STAU1: variants seen among roughly 807,000 people sequenced by gnomAD.
STAU1 encodes the protein double-stranded RNA-binding protein Staufen homolog 1.
Under a neutral mutation model 62.9 loss-of-function variants are expected in STAU1, and 13 were observed. The observed-to-expected ratio is 0.21, with a 90% CI of 0.13 to 0.33. STAU1 has a LOEUF of 0.33. STAU1 is among the 10% of genes least tolerant of loss of function. The pLI, the probability that STAU1 is intolerant of heterozygous loss-of-function variation, is 1.00. For missense variants in STAU1, 571 were observed against 712.1 expected (o/e 0.80, Z 2.25); for synonymous variants, 269 against 265.1 (o/e 1.01, Z -0.14).
the STAU1 span, among the ~76,000 whole-genome samples, chr20:49,218,182 T>C: frequency 6.6e-6 from 1 of 150,446 alleles, no homozygotes; most frequent in Admixed American, 6.6e-5. Flanking sequence ...GCTAGCAATA[T>C]ATATTTTTTT....
intron 6 of STAU1, among the ~76,000 whole-genome samples, chr20:49,131,582 C>T (rs1367394038): frequency 6.6e-6 from 1 of 152,100 alleles, no homozygotes; most frequent in Non-Finnish European, 1.5e-5. Context: ...GTGGCTCACA[C>T]CTGTAATCCC....
chr20:49,183,740 T>C (rs546185400), intron 1 of STAU1, among the ~76,000 whole-genome samples: 1 of 152,218 alleles, frequency 6.6e-6, no homozygotes, highest in East Asian at 1.9e-4. Flanking sequence ...AAACTTAAAA[T>C]ACAGTAAATC....
intron 3 of STAU1, among the ~76,000 whole-genome samples, chr20:49,162,113 T>G (rs1458816898): frequency 6.6e-6 from 1 of 152,196 alleles, no homozygotes; most frequent in Admixed American, 6.5e-5. Flanking sequence ...CTTGTCATCT[T>G]CCATACAGTG....
At chr20:49,219,273 C>T in the STAU1 span, 1 of 1,411,952 alleles carries the variant, frequency 7.1e-7, no homozygotes, top group Non-Finnish European at 9.5e-7. Flanking sequence ...CACACGAAAC[C>T]AACCACGCCC....
chr20:49,202,289 G>A, the STAU1 span, among the ~76,000 whole-genome samples: 21 of 146,602 alleles, frequency 1.4e-4, no homozygotes, highest in East Asian at 2.8e-3. Flanking sequence ...GACACCGGGC[G>A]TGATGGCTCA....
the STAU1 span, among the ~76,000 whole-genome samples, chr20:49,215,218 C>T: frequency 6.6e-6 from 1 of 152,148 alleles, no homozygotes; most frequent in African/African-American, 2.4e-5. Flanking sequence ...TTCATCTGAG[C>T]CTCTTTCTCT....
Position 49,117,309 on chromosome 20 carries a change from G to A in STAU1, c.1510-61C>T, listed in dbSNP as rs1474095701. The stretch of plus-strand genomic sequence containing the variant: ...ACAGCAAGTATGAGTGGGCTGGAGG[G>A]CTGCAGCTCCAGGCCCCACAAGCAA... On this transcript the variant is annotated intron_variant, in intron 11 of 13. Coordinates refer to ENST00000371856, the MANE Select transcript of STAU1 (RefSeq NM_017453.4). The surrounding 1 kb of genome is among the most constrained non-coding windows in gnomAD (Gnocchi z 4.6). 6.3e-7 allele frequency: 1 copy of A among 1,587,512 alleles called. No individual in the cohort carries two copies. Among genetic ancestry groups the A allele is most frequent in the Non-Finnish European group, 8.6e-7 (1 of 1,162,200 alleles).
chr20:49,128,187 G>T (rs972015849), intron 6 of STAU1, among the ~76,000 whole-genome samples: 7 of 151,880 alleles, frequency 4.6e-5, no homozygotes, highest in Non-Finnish European at 8.8e-5. Flanking sequence ...AGCCCAGTGT[G>T]TGGTGGCGTG....
At chr20:49,152,088 C>A (rs2093261620) in intron 4 of STAU1, among the ~76,000 whole-genome samples, 1 of 152,158 alleles carries the variant, frequency 6.6e-6, no homozygotes, top group Non-Finnish European at 1.5e-5. Flanking sequence ...CCTTCTCAAA[C>A]CTTAGCTTTA....
intron 1 of STAU1, 43 bp downstream of exon 1, chr20:49,188,073 C>T (rs3752256): frequency 0.015 from 2,311 of 151,574 alleles, 66 homozygotes; most frequent in South Asian, 0.08. Flanking sequence ...GCGGCGGCGC[C>T]CGCGAGGGCC....
intron 6 of STAU1, among the ~76,000 whole-genome samples, chr20:49,131,785 G>A (rs543906628): frequency 1.5e-4 from 22 of 151,532 alleles, no homozygotes; most frequent in Middle Eastern, 3.4e-3. Context: ...AGAGGTTGCA[G>A]TGAGCCGAGA....
At position 49,123,240 on chromosome 20, in the gene STAU1, G is replaced by C; in HGVS notation, c.823-5C>G. The stretch of plus-strand genomic sequence containing the variant: ...ATATTCTGGGCTTGTCTGTGGCTGA[G>C]GAACAAACAAGGCAGAAACTCTGTA... On this transcript the variant is annotated splice_region_variant and splice_polypyrimidine_tract_variant and intron_variant, in intron 7 of 13. Coordinates refer to ENST00000371856, the MANE Select transcript of STAU1 (RefSeq NM_017453.4). 6.2e-7 allele frequency: 1 copy of C among 1,614,146 alleles called. No individual in the cohort carries two copies. Among genetic ancestry groups the C allele is most frequent in the Non-Finnish European group, 8.5e-7 (1 of 1,180,032 alleles).
the STAU1 span, among the ~76,000 whole-genome samples, chr20:49,195,551 AAAAAAAAAAAGAT>A: frequency 1.2e-4 from 16 of 132,686 alleles, 3 homozygotes; most frequent in East Asian, 1.9e-3. Context: ...AAAAAAAAAA[AAAAAAAAAAAGAT>A]AGCAACAGAC....
chr20:49,143,273 T>G (rs2093050099), intron 5 of STAU1, among the ~76,000 whole-genome samples: 1 of 152,160 alleles, frequency 6.6e-6, no homozygotes, highest in Non-Finnish European at 1.5e-5. Context: ...CCATAGTGTA[T>G]AGTTCAGCAA....
At chr20:49,209,060 C>A in the STAU1 span, among the ~76,000 whole-genome samples, 1 of 151,884 alleles carries the variant, frequency 6.6e-6, no homozygotes, top group African/African-American at 2.4e-5. Flanking sequence ...CTCAGCCTCC[C>A]GAGAAGCTGG....
At position 49,166,031 on chromosome 20, in the gene STAU1, G is replaced by A. The variant is rs1213444979; in HGVS notation, c.171C>T (p.Pro57=). ...CACTGGTGGATGTAATAGATGCAGA[G>A]GGTAAAGCAGAGTTTTGAATGGGTC... The part of the protein sequence containing the change: ...AGRPIQNSAL[P]SASITSTSAA... Residue 57 remains proline, a synonymous_variant, in exon 3 of 14, where the codon CCC becomes CCT. Transcript: ENST00000371856. The A allele has an allele frequency of 1.2e-6, 2 of 1,614,112 alleles. No individual in the cohort carries two copies. The highest frequency in any genetic ancestry group is 2.7e-5 in the African/African-American group (2 of 74,936).
intron 3 of STAU1, among the ~76,000 whole-genome samples, chr20:49,161,188 G>A (rs374219318): frequency 2.2e-4 from 34 of 151,872 alleles, no homozygotes; most frequent in South Asian, 1.7e-3. Flanking sequence ...CTAGCTGGGC[G>A]TGGTGGCATG....
the STAU1 span, among the ~76,000 whole-genome samples, chr20:49,208,778 C>T: frequency 6.6e-6 from 1 of 151,442 alleles, no homozygotes; most frequent in Non-Finnish European, 1.5e-5. Flanking sequence ...TGTCACCATG[C>T]TCGGCTAATT....
At chr20:49,135,954 G>C (rs1388935986) in intron 5 of STAU1, 23 bp from the exon 6 acceptor site, 2 of 1,581,340 alleles carry the variant, frequency 1.3e-6, no homozygotes, top group South Asian at 2.3e-5. Context: ...TTGTTTAGTA[G>C]TTAGCTCTTA....
Sources: gnomAD v4.1 joint callset for allele counts (sites outside exome capture counted in the v4.1 genomes callset) on GRCh38, gnomAD v4.1.1 for gene constraint, Gnocchi (gnomAD v3.1) non-coding constraint, MANE v1.5 for transcripts, NCBI Gene and HGNC (gene_info 2026-07-23, HGNC 2026-07-21) for gene names.